TXLNB: variants seen among roughly 807,000 people sequenced by gnomAD.
TXLNB encodes the protein beta-taxilin.
Under a neutral mutation model 57.4 loss-of-function variants are expected in TXLNB, and 37 were observed. That is an observed-to-expected ratio of 0.64 (90% CI 0.50 to 0.85). The LOEUF (loss-of-function observed/expected upper bound fraction) is 0.85. Ranked by LOEUF, TXLNB falls within the 40% of genes least tolerant of loss-of-function variation. TXLNB has a pLI of 0.00. For synonymous variants in TXLNB, 302 were observed against 309.6 expected (o/e 0.98, Z 0.26); for missense variants, 848 against 825.6 (o/e 1.03, Z -0.33).
the TXLNB span, among the ~76,000 whole-genome samples, chr6:139,215,854 C>A: frequency 6.6e-6 from 1 of 152,146 alleles, no homozygotes; most frequent in Admixed American, 6.6e-5. Context: ...GTTTATGCAG[C>A]CTAAAAACAC....
chr6:139,166,752 G>T, the TXLNB span: 14 of 1,613,552 alleles, frequency 8.7e-6, no homozygotes, highest in Non-Finnish European at 1.1e-5. Flanking sequence ...TCCATGGACC[G>T]GCAGAACTCC....
the TXLNB span, among the ~76,000 whole-genome samples, chr6:139,306,496 A>G: frequency 3.9e-5 from 6 of 152,228 alleles, no homozygotes; most frequent in Non-Finnish European, 7.3e-5. Context: ...TGAGGCATGA[A>G]GACAGTTTTT....
At chr6:139,274,267 G>A (rs1007221694) in intron 3 of TXLNB, among the ~76,000 whole-genome samples, 1 of 152,222 alleles carries the variant, frequency 6.6e-6, no homozygotes, top group Non-Finnish European at 1.5e-5. Flanking sequence ...GAGTGAGCTA[G>A]AGTGGCAGTT....
chr6:139,220,091 T>C, the TXLNB span, among the ~76,000 whole-genome samples: 1 of 152,204 alleles, frequency 6.6e-6, no homozygotes, highest in East Asian at 1.9e-4. Context: ...AATTAGATCA[T>C]GGGGGTGGAC....
chr6:139,312,277 T>A, the TXLNB span, among the ~76,000 whole-genome samples: 1 of 152,066 alleles, frequency 6.6e-6, no homozygotes, highest in Non-Finnish European at 1.5e-5. Flanking sequence ...GACATTAGAC[T>A]TGAGGAAAGG....
chr6:139,212,782 A>C, the TXLNB span, among the ~76,000 whole-genome samples: 3 of 152,222 alleles, frequency 2.0e-5, no homozygotes, highest in Admixed American at 6.5e-5. Flanking sequence ...GGATGCAGGA[A>C]GATCCACCAA....
intron 2 of TXLNB, among the ~76,000 whole-genome samples, chr6:139,278,831 CCA>C (rs1776969971): frequency 1.3e-5 from 2 of 152,176 alleles, no homozygotes; most frequent in Non-Finnish European, 2.9e-5. Flanking sequence ...TGGTGAAACC[CCA>C]TCTCTACTAA....
chr6:139,272,633 C>T lies in TXLNB; in HGVS notation c.517-2007G>A, dbSNP rs373575954. Reference sequence around the variant, plus strand: ...TAAATATTTCTCATGCTAAGCTGCTCATAGTATAGATGTGAGCCTTTAATT... The same window carrying T: ...TAAATATTTCTCATGCTAAGCTGCTTATAGTATAGATGTGAGCCTTTAATT... On this transcript the variant is annotated intron_variant, in intron 3 of 9. Transcript: ENST00000358430. 5.9e-5 allele frequency among the ~76,000 whole-genome samples: 9 copies of T among 152,316 alleles called. No individual in the cohort carries two copies. The East Asian group carries it at 1.7e-3, about 29-fold the overall frequency.
At chr6:139,212,975 A>T in the TXLNB span, among the ~76,000 whole-genome samples, 6 of 152,240 alleles carry the variant, frequency 3.9e-5, no homozygotes, top group African/African-American at 1.4e-4. Flanking sequence ...CCAGATTCAT[A>T]AAGCAAGTCC....
Position 139,262,586 on chromosome 6 carries a change from C to T in TXLNB, c.875G>A (p.Arg292Lys). ...LKSIIDQYEL[R>K]EEHLDKIFKH... ...GTTTGATGTGGTTCTCACCTCCTCTCTGAGCTCATACTGATCGATGATGCT... is the reference window on the plus strand; with the variant it reads ...GTTTGATGTGGTTCTCACCTCCTCTTTGAGCTCATACTGATCGATGATGCT... The change falls in exon 5 of 10, where the codon AGA (arginine) becomes AAA (lysine). Residue 292 changes from arginine (R) to lysine (K), a missense_variant. Arg to Lys is a conservative substitution (Grantham distance 26). Coordinates refer to ENST00000358430, the MANE Select transcript of TXLNB (RefSeq NM_153235.4). 1 of 1,612,850 alleles carries T rather than the reference C, an allele frequency of 6.2e-7. No individual in the cohort carries two copies. Among genetic ancestry groups the T allele is most frequent in the Non-Finnish European group, 8.5e-7 (1 of 1,179,382 alleles).
the TXLNB span, among the ~76,000 whole-genome samples, chr6:139,189,132 A>T: frequency 6.6e-6 from 1 of 152,242 alleles, no homozygotes; most frequent in Non-Finnish European, 1.5e-5. Context: ...TTTAACAGTA[A>T]GCAATCATAT....
chr6:139,275,637 A>G (rs1373343509), intron 3 of TXLNB, among the ~76,000 whole-genome samples: 1 of 152,236 alleles, frequency 6.6e-6, no homozygotes, highest in Non-Finnish European at 1.5e-5. Context: ...ATAGTTCAGC[A>G]TAACAGGACA....
At chr6:139,252,847 C>A (rs947128777) in intron 7 of TXLNB, among the ~76,000 whole-genome samples, 1 of 152,046 alleles carries the variant, frequency 6.6e-6, no homozygotes, top group Non-Finnish European at 1.5e-5. Flanking sequence ...AAAAATTAGC[C>A]GGGTGTGGTG....
Position 139,247,905 on chromosome 6 carries a change from G to A in TXLNB, c.1082C>T (p.Thr361Ile), listed in dbSNP as rs765793783. 6.9e-6 allele frequency: 11 copies of A among 1,598,754 alleles called. No homozygotes were observed. The highest frequency in any genetic ancestry group is 2.6e-6 in the Non-Finnish European group (3 of 1,170,212). Residue 361 changes from threonine to isoleucine, a missense_variant, in exon 8 of 10, where the codon ACT becomes ATT. Coordinates refer to ENST00000358430, the MANE Select transcript of TXLNB (RefSeq NM_153235.4). ...TTCTTCAAACCTTCCTGAGTAGAGAGTGAGCTGTAAACAGAGGAAAGAGTG... is the reference window on the plus strand; with the variant it reads ...TTCTTCAAACCTTCCTGAGTAGAGAATGAGCTGTAAACAGAGGAAAGAGTG... ...EQETVLQAQL[T>I]LYSGRFEEFQ...
intron 4 of TXLNB, among the ~76,000 whole-genome samples, chr6:139,263,274 T>C (rs1482962616): frequency 6.6e-6 from 1 of 152,142 alleles, no homozygotes; most frequent in African/African-American, 2.4e-5. Context: ...ACAATAAAAA[T>C]TTTCTATTTG....
chr6:139,304,358 T>A, the TXLNB span, among the ~76,000 whole-genome samples: 2 of 152,204 alleles, frequency 1.3e-5, no homozygotes, highest in Non-Finnish European at 2.9e-5. Context: ...CCATGGAAAG[T>A]ATCCAAAATT....
In TXLNB at chr6:139,288,574, G is replaced by T; in HGVS notation, c.326C>A (p.Ala109Asp). Residue 109 changes from alanine to aspartate, a missense_variant, in exon 2 of 10, where the codon GCT (alanine) becomes GAT (aspartate). By Grantham distance (126) the Ala-to-Asp change is moderately radical. Transcript: ENST00000358430. ...DGDCEETTEE[A>D]GREPVASGEP... The stretch of plus-strand genomic sequence containing the variant: ...TCCAGAAGCAACGGGTTCTCTTCCA[G>T]CCTCTTCAGTTGTTTCCTCACAGTC... 2 of 1,614,176 alleles carry T rather than the reference G, an allele frequency of 1.2e-6. No homozygotes were observed. The highest frequency in any genetic ancestry group is 1.7e-6 in the Non-Finnish European group (2 of 1,180,036).
the TXLNB span, among the ~76,000 whole-genome samples, chr6:139,176,111 T>TA: frequency 2.6e-5 from 4 of 152,204 alleles, no homozygotes; most frequent in Non-Finnish European, 2.9e-5. The surrounding 1 kb of genome is among the most constrained non-coding windows in gnomAD (Gnocchi z 4.5). Context: ...ATTACGTAGT[T>TA]AAAAGAGTGT....
chr6:139,179,128 A>C, the TXLNB span: 1 of 152,208 alleles, frequency 6.6e-6, no homozygotes, highest in African/African-American at 2.4e-5. Context: ...GCTTTCTGCA[A>C]ACTTGTCTTT....
Sources: allele counts gnomAD v4.1 joint callset (sites outside exome capture counted in the v4.1 genomes callset), GRCh38; gene constraint gnomAD v4.1.1; non-coding constraint Gnocchi (gnomAD v3.1); transcripts MANE v1.5; gene names NCBI Gene and HGNC (gene_info 2026-07-23, HGNC 2026-07-21).